ERMAP: variants seen among roughly 807,000 people sequenced by gnomAD.
ERMAP encodes erythroblast membrane associated protein (Scianna blood group).
ERMAP carries 34 observed loss-of-function variants against 49.5 expected under a neutral mutation model. The observed-to-expected ratio is 0.69, with a 90% CI of 0.52 to 0.91. ERMAP has a LOEUF of 0.91. ERMAP is among the 40% of genes least tolerant of loss of function. The pLI is 0.00. For synonymous variants in ERMAP, 214 were observed against 232.2 expected, an observed-to-expected ratio of 0.92 and a Z score of 0.71; for missense variants, 541 against 582.6, an observed-to-expected ratio of 0.93 and a Z score of 0.74.
At position 42,830,876 on chromosome 1, in the gene ERMAP, G is replaced by C; in HGVS notation, c.194G>C (p.Trp65Ser). The C allele has an allele frequency of 6.2e-7, 1 of 1,613,100 alleles. No individual in the cohort carries two copies. Among genetic ancestry groups the C allele is most frequent in the Non-Finnish European group, 8.5e-7 (1 of 1,179,540 alleles). Reference protein sequence around the residue: ...WPGTVPKEVRWLRSPFPQRSQ... With the variant: ...WPGTVPKEVRSLRSPFPQRSQ... Reference sequence around the variant, plus strand: ...GGGACGGTACCCAAGGAGGTGAGGTGGCTGCGGTCCCCATTCCCGCAGCGC... The same window carrying C: ...GGGACGGTACCCAAGGAGGTGAGGTCGCTGCGGTCCCCATTCCCGCAGCGC... The change falls in exon 4 of 12, where the codon TGG becomes TCG. Residue 65 changes from tryptophan (W) to serine (S), a missense_variant. By Grantham distance (177) the Trp-to-Ser change is radical. Transcript: ENST00000372517.
chr1:42,817,317 G>T, intron 1 of ERMAP, 64 bp downstream of exon 1: 1 of 1,136,070 alleles, frequency 8.8e-7, no homozygotes. Flanking sequence ...CTCGTCCTGG[G>T]CGGGGCCGCG....
intron 6 of ERMAP, among the ~76,000 whole-genome samples, chr1:42,836,774 A>T (rs1022950595): frequency 2.6e-5 from 4 of 151,954 alleles, no homozygotes; most frequent in African/African-American, 9.7e-5. Flanking sequence ...GAATTGCTTG[A>T]ACCCCGGAGA....
intron 4 of ERMAP, among the ~76,000 whole-genome samples, chr1:42,832,493 G>A (rs1003819152): frequency 5.3e-5 from 8 of 151,746 alleles, no homozygotes; most frequent in Admixed American, 2.0e-4. Flanking sequence ...TCAGCCTCCC[G>A]AGTAGCTGGA....
In ERMAP at chr1:42,840,217, A is replaced by C; in HGVS notation, c.685+39A>C. On this transcript the variant is annotated intron_variant, in intron 10 of 11. Coordinates refer to ENST00000372517, the MANE Select transcript of ERMAP (RefSeq NM_001017922.2). ...TCTCCACATTTGACCACCACCCTAC[A>C]GGAGTTCTTGATGTCTCTGGTACTT... 2.5e-6 allele frequency: 4 copies of C among 1,614,156 alleles called. 1 individual carries two copies. In the South Asian group the frequency reaches 4.4e-5, roughly 18 times the overall value.
Position 42,835,127 on chromosome 1 carries a change from C to G in ERMAP, c.523C>G (p.Leu175Val). Residue 175 changes from leucine to valine, a missense_variant, in exon 5 of 12, where the codon CTT becomes GTT. Transcript: ENST00000372517. ...ACTTCTCATCATGGTGTGCCTTTGCCTTATCTGGAAGCAAAGAAGAGCAAA... is the reference window on the plus strand; with the variant it reads ...ACTTCTCATCATGGTGTGCCTTTGCGTTATCTGGAAGCAAAGAAGAGCAAA... ...LVLLIMVCLC[L>V]IWKQRRAKEK... The G allele has an allele frequency of 6.5e-7, 1 of 1,538,954 alleles. No individual in the cohort carries two copies. The highest frequency in any genetic ancestry group is 9.0e-7 in the Non-Finnish European group (1 of 1,111,364).
Position 42,830,931 on chromosome 1 carries a change from GA to G in ERMAP, c.251del (p.Lys84ArgfsTer7), listed in dbSNP as rs776692427. The G allele has an allele frequency of 1.2e-5, 19 of 1,614,222 alleles. No individual in the cohort carries two copies. The highest frequency in any genetic ancestry group is 1.4e-5 in the Non-Finnish European group (17 of 1,180,032). ...SQAVHIFRDGKDQDEDLMPEY... is the reference protein window; with the variant it reads ...SQAVHIFRDGXDQDEDLMPEY... ...AGGCTGTTCACATATTCCGGGATGG[GA>G]AGGACCAGGATGAAGATCTGATGCC... On this transcript the variant is annotated frameshift_variant, in exon 4 of 12. Transcript: ENST00000372517. LOFTEE classifies it high-confidence loss of function.
At chr1:42,838,979 G>A (rs374469176) in intron 8 of ERMAP, 58 bp downstream of exon 8, 980 of 1,613,946 alleles carry the variant, frequency 6.1e-4, no homozygotes, top group Non-Finnish European at 6.7e-4. Context: ...TTTGCTTTGG[G>A]ATGAGCATCT....
Position 42,830,224 on chromosome 1 carries a change from G to A in ERMAP, c.-5-220G>A, listed in dbSNP as rs968003829. ...AACCCTCACCATAATCCCACAAGGA[G>A]GCACAGTTCTTTTACCCATTTTGAA... On this transcript the variant is annotated intron_variant, in intron 2 of 11. Transcript: ENST00000372517. The A allele has an allele frequency of 5.3e-6, 3 of 569,076 alleles. No individual in the cohort carries two copies. In the African/African-American group the frequency reaches 5.6e-5, roughly 11 times the overall value. The allele number at this position is 569,076 out of a possible 1,614,324, so 35.3% of individuals were successfully genotyped here. A position where few individuals can be genotyped will look rare whatever the true frequency, so the allele number is the denominator to read the frequency against.
Position 42,835,163 on chromosome 1 carries a change from A to G in ERMAP, c.550+9A>G, listed in dbSNP as rs1654857162. 1.8e-6 allele frequency: 2 copies of G among 1,116,482 alleles called. No individual in the cohort carries two copies. Among genetic ancestry groups the G allele is most frequent in the South Asian group, 1.2e-5 (1 of 81,142 alleles). 69.2% of individuals were successfully genotyped at this position (1,116,482 alleles called of 1,614,324 possible). A position where few individuals can be genotyped will look rare whatever the true frequency, so the allele number is the denominator to read the frequency against. On this transcript the variant is annotated intron_variant, in intron 5 of 11. Coordinates refer to ENST00000372517, the MANE Select transcript of ERMAP (RefSeq NM_001017922.2). ...GCAAAGAAGAGCAAAAGGTAATTAA[A>G]TGGTAAGGGAGCTCAGGCTGGTGGG...
intron 1 of ERMAP, among the ~76,000 whole-genome samples, chr1:42,825,116 T>C (rs1654506190): frequency 6.6e-6 from 1 of 152,210 alleles, no homozygotes; most frequent in Non-Finnish European, 1.5e-5. Flanking sequence ...GATATAATTA[T>C]GGAGATTATG....
intron 1 of ERMAP, among the ~76,000 whole-genome samples, chr1:42,820,360 C>T (rs1044785433): frequency 3.4e-5 from 5 of 149,126 alleles, no homozygotes; most frequent in Middle Eastern, 3.4e-3. Context: ...TTCTGGGAAA[C>T]GTTCTCTGTG....
intron 11 of ERMAP, chr1:42,841,844 G>A (rs1655064829): frequency 6.6e-6 from 1 of 152,234 alleles, no homozygotes; most frequent in Admixed American, 6.5e-5. Context: ...AAAGACAAAT[G>A]TGGTGTCTTA....
At chr1:42,835,675 G>A (rs1009226888) in intron 5 of ERMAP, 57 bp from the exon 6 acceptor site, 1 of 1,606,436 alleles carries the variant, frequency 6.2e-7, no homozygotes, top group Non-Finnish European at 8.5e-7. Context: ...TGGGACACTT[G>A]TGCCTGTTAG....
intron 2 of ERMAP, chr1:42,830,088 A>G (rs1654671133): frequency 5.2e-6 from 1 of 193,664 alleles, no homozygotes; most frequent in African/African-American, 2.3e-5. Context: ...TTCCTTGGTT[A>G]GTTCTGGGTA....
At chr1:42,827,145 G>A (rs1339502606) in intron 2 of ERMAP, among the ~76,000 whole-genome samples, 1 of 152,112 alleles carries the variant, frequency 6.6e-6, no homozygotes, top group African/African-American at 2.4e-5. Flanking sequence ...GAAAATATCA[G>A]GTATCAAAAC....
chr1:42,819,172 T>G lies in ERMAP; in HGVS notation c.-122+1919T>G, dbSNP rs1422692599. Among the ~76,000 whole-genome samples, 1 of 36,746 alleles carries G rather than the reference T, an allele frequency of 2.7e-5. No individual in the cohort carries two copies. Among genetic ancestry groups the G allele is most frequent in the African/African-American group, 1.1e-4 (1 of 9,078 alleles). 24.1% of individuals were successfully genotyped at this position (36,746 alleles called of 152,430 possible). On this transcript the variant is annotated intron_variant, in intron 1 of 11. Coordinates refer to ENST00000372517, the MANE Select transcript of ERMAP (RefSeq NM_001017922.2). The surrounding 1 kb of genome is among the most constrained non-coding windows in gnomAD (Gnocchi z 5.1). ...TGAGGAAGAGGATAAGTTAGGAGCG[T>G]GTGTGTGTGTGTGTGTGTGTGTGTG...
Position 42,842,970 on chromosome 1 carries a change from GC to G in ERMAP, c.1171del (p.Leu391PhefsTer19). ...TTTACTTTCACCCACAATTTCTCTG[GC>G]CCCCTTCGCCCTTTCTTTGAACCTT... is the stretch of plus-strand genomic sequence containing the variant. ...HIFTFTHNFS[G>X]PLRPFFEPCL... On this transcript the variant is annotated frameshift_variant, in exon 12 of 12. Transcript: ENST00000372517. LOFTEE classifies it high-confidence loss of function. 1 of 1,614,048 alleles carries G rather than the reference GC, an allele frequency of 6.2e-7. No individual in the cohort carries two copies. Among genetic ancestry groups the G allele is most frequent in the Non-Finnish European group, 8.5e-7 (1 of 1,180,014 alleles).
At chr1:42,840,785 C>A (rs1337387374) in intron 11 of ERMAP, among the ~76,000 whole-genome samples, 3 of 151,868 alleles carry the variant, frequency 2.0e-5, no homozygotes, top group Non-Finnish European at 4.4e-5. Context: ...TCTGTGTAGT[C>A]TCTTCCATGC....
chr1:42,839,860 C>T (rs1176146306), intron 8 of ERMAP, 173 bp from the exon 9 acceptor site: 5 of 665,542 alleles, frequency 7.5e-6, no homozygotes, highest in Non-Finnish European at 1.3e-5. Context: ...TCTGGGGATA[C>T]TCCCATGGTC....
Sources: gnomAD v4.1 joint callset for allele counts (sites outside exome capture counted in the v4.1 genomes callset) on GRCh38, gnomAD v4.1.1 for gene constraint, Gnocchi (gnomAD v3.1) non-coding constraint, MANE v1.5 for transcripts, NCBI Gene and HGNC (gene_info 2026-07-23, HGNC 2026-07-21) for gene names.